The following ADGRD1 variants were observed in gnomAD, a reference collection of about 807,000 sequenced individuals.
ADGRD1 encodes the protein G-protein coupled receptor 133.
Under a neutral mutation model 113.4 loss-of-function variants are expected in ADGRD1, and 77 were observed. The observed-to-expected ratio is 0.68, with a 90% CI of 0.57 to 0.82. The LOEUF (loss-of-function observed/expected upper bound fraction) is 0.82. Among genes scored for constraint, ADGRD1 ranks in the 40% least tolerant of loss-of-function variants. The probability of loss-of-function intolerance (pLI) is 0.00; values close to 1 mark genes in which losing one functional copy is unlikely to be tolerated. For synonymous variants in ADGRD1, 474 were observed against 475.0 expected, an observed-to-expected ratio of 1.00 and a Z score of 0.03; for missense variants, 1,036 against 1,139.1, an observed-to-expected ratio of 0.91 and a Z score of 1.30.
At chr12:131,008,258 T>C (rs2136770456) in intron 12 of ADGRD1, among the ~76,000 whole-genome samples, 1 of 152,372 alleles carries the variant, frequency 6.6e-6, no homozygotes, top group Non-Finnish European at 1.5e-5. Flanking sequence ...CTGGGCACGA[T>C]GAGAAGCAGG....
chr12:131,133,031 A>G (rs1593273121), intron 21 of ADGRD1, among the ~76,000 whole-genome samples: 2 of 152,318 alleles, frequency 1.3e-5, no homozygotes, highest in Admixed American at 1.3e-4. Context: ...AGCTCCTGGA[A>G]ACCTTCAAGG....
chr12:131,086,751 G>T (rs1258500369), intron 15 of ADGRD1, among the ~76,000 whole-genome samples: 1 of 152,234 alleles, frequency 6.6e-6, no homozygotes, highest in East Asian at 1.9e-4. Flanking sequence ...GCGCGTATGA[G>T]CCTCACTCTG....
chr12:131,132,047 G>A (rs541442775), intron 21 of ADGRD1, among the ~76,000 whole-genome samples: 4 of 152,310 alleles, frequency 2.6e-5, no homozygotes, highest in Admixed American at 6.5e-5. Context: ...GTAGAAGAAC[G>A]GAGTCTACGG....
chr12:131,070,605 G>A (rs1025795314), intron 13 of ADGRD1: 14 of 285,958 alleles, frequency 4.9e-5, no homozygotes, highest in African/African-American at 2.9e-4. Context: ...CGGTGCGGGA[G>A]ACGAGTGGAG....
rs1463605455 is a variant in ADGRD1, at chr12:130,971,576, T to C, written c.306T>C (p.Pro102=). 7 of 1,605,084 alleles carry C rather than the reference T, an allele frequency of 4.4e-6. No homozygotes were observed. Among genetic ancestry groups the C allele is most frequent in the Non-Finnish European group, 5.1e-6 (6 of 1,175,830 alleles). The change falls in exon 4 of 25, where the codon CCT becomes CCC. Residue 102 remains proline (P), a synonymous_variant. Coordinates refer to ENST00000261654, the MANE Select transcript of ADGRD1 (RefSeq NM_198827.5). The surrounding 1 kb of genome is among the most constrained non-coding windows in gnomAD (Gnocchi z 4.2). ...SCISKPEQCG[P]EGVTFSFFWK... ...TCAGCAAGCCAGAGCAGTGTGGCCC[T>C]GAAGGTGAGTGGCTGATCCCTGCGG... is the stretch of plus-strand genomic sequence containing the variant.
Position 131,086,912 on chromosome 12 carries a change from A to C in ADGRD1, c.1671+2249A>C, listed in dbSNP as rs145552220. On this transcript the variant is annotated intron_variant, in intron 15 of 24. Coordinates refer to ENST00000261654, the MANE Select transcript of ADGRD1 (RefSeq NM_198827.5). ...TATTTTATTTTTATTAAATTAAATA[A>C]ATTAATTTTTAGAGACAGGGTCTCA... is the stretch of plus-strand genomic sequence containing the variant. Among the ~76,000 whole-genome samples, 6 of 152,286 alleles carry C rather than the reference A, an allele frequency of 3.9e-5. No homozygotes were observed. The East Asian group carries it at 1.2e-3, about 29-fold the overall frequency.
In ADGRD1 at chr12:131,022,324, C is replaced by T. The variant is rs777912779; in HGVS notation, c.1473+7984C>T. Reference sequence around the variant, plus strand: ...AAATATCTTGGTGGTGGGGAGATACCGTGAAACTACACAACCTTCCTTCAG... The same window carrying T: ...AAATATCTTGGTGGTGGGGAGATACTGTGAAACTACACAACCTTCCTTCAG... On this transcript the variant is annotated intron_variant, in intron 13 of 24. Coordinates refer to ENST00000261654, the MANE Select transcript of ADGRD1 (RefSeq NM_198827.5). The surrounding 1 kb of genome is among the most constrained non-coding windows in gnomAD (Gnocchi z 4.6). 2.6e-5 allele frequency among the ~76,000 whole-genome samples: 4 copies of T among 152,158 alleles called. No homozygotes were observed. Among genetic ancestry groups the T allele is most frequent in the South Asian group, 2.1e-4 (1 of 4,810 alleles).
At position 131,019,286 on chromosome 12, in the gene ADGRD1, A is replaced by G. The variant is rs553087744; in HGVS notation, c.1473+4946A>G. Reference sequence around the variant, plus strand: ...CAGCTCAGGCTATGCTGTTGGGCAGAGCGGGTCTCCAGGGTGCCTCACCCA... The same window carrying G: ...CAGCTCAGGCTATGCTGTTGGGCAGGGCGGGTCTCCAGGGTGCCTCACCCA... On this transcript the variant is annotated intron_variant, in intron 13 of 24. Transcript: ENST00000261654. Among the ~76,000 whole-genome samples the G allele has an allele frequency of 7.2e-5, 11 of 152,284 alleles. No homozygotes were observed. In the East Asian group the frequency reaches 1.9e-3, roughly 27 times the overall value.
intron 18 of ADGRD1, among the ~76,000 whole-genome samples, chr12:131,114,670 C>T (rs1950421954): frequency 6.6e-6 from 1 of 151,926 alleles, no homozygotes; most frequent in Non-Finnish European, 1.5e-5. Flanking sequence ...CTTCTTCCTG[C>T]AGATTTCATC....
rs1221595460 is a variant in ADGRD1, at chr12:130,954,847, G to C, written c.103+187G>C. ...AGCTCTGCTACCCCTCACCGGCTGA[G>C]CGGTGGATGGAGAAGTGGTTCTGGG... On this transcript the variant is annotated intron_variant, in intron 2 of 24. Coordinates refer to ENST00000261654, the MANE Select transcript of ADGRD1 (RefSeq NM_198827.5). This position sits in a 1 kb window ranked among gnomAD's most constrained non-coding sequence, Gnocchi z 4.7. 6.6e-6 allele frequency among the ~76,000 whole-genome samples: 1 copy of C among 152,240 alleles called. No homozygotes were observed. Among genetic ancestry groups the C allele is most frequent in the Non-Finnish European group, 1.5e-5 (1 of 68,050 alleles).
At chr12:130,976,334 G>A (rs926230380) in intron 4 of ADGRD1, among the ~76,000 whole-genome samples, 1 of 152,058 alleles carries the variant, frequency 6.6e-6, no homozygotes, top group African/African-American at 2.4e-5. Flanking sequence ...GGAAACTGAG[G>A]CCCAGAGAGG....
At chr12:131,026,242 T>A (rs761526395) in intron 13 of ADGRD1, 3 of 152,246 alleles carry the variant, frequency 2.0e-5, no homozygotes, top group Non-Finnish European at 2.9e-5. Flanking sequence ...GCTTCCAGCC[T>A]TTCCCGGTGC....
intron 18 of ADGRD1, among the ~76,000 whole-genome samples, chr12:131,109,668 A>G (rs189299223): frequency 9.3e-4 from 142 of 152,302 alleles, no homozygotes; most frequent in African/African-American, 3.3e-3. Context: ...TCTATCCTGG[A>G]AAGTGTTCCA....
At chr12:130,982,292 G>A (rs914577362) in intron 5 of ADGRD1, among the ~76,000 whole-genome samples, 1 of 152,160 alleles carries the variant, frequency 6.6e-6, no homozygotes, top group Non-Finnish European at 1.5e-5. Flanking sequence ...CCGTCTGCCC[G>A]TGCACTGTGT....
chr12:130,962,602 A>T (rs1870488779), intron 2 of ADGRD1: 1 of 152,128 alleles, frequency 6.6e-6, no homozygotes, highest in Non-Finnish European at 1.5e-5. Flanking sequence ...AATCTTTTTG[A>T]TTTTTGCATT....
intron 15 of ADGRD1, among the ~76,000 whole-genome samples, chr12:131,104,078 A>G (rs1020708031): frequency 6.6e-6 from 1 of 152,162 alleles, no homozygotes; most frequent in Non-Finnish European, 1.5e-5. Context: ...CTTAATCCCC[A>G]GGTGTGTTCT....
intron 13 of ADGRD1, among the ~76,000 whole-genome samples, chr12:131,052,389 G>C (rs1292644579): frequency 6.6e-6 from 1 of 152,192 alleles, no homozygotes; most frequent in African/African-American, 2.4e-5. Flanking sequence ...CTTCTCACCT[G>C]TTCCCGAACT....
chr12:130,982,371 A>C (rs796568652), intron 5 of ADGRD1, among the ~76,000 whole-genome samples: 12 of 152,240 alleles, frequency 7.9e-5, no homozygotes, highest in African/African-American at 2.9e-4. Flanking sequence ...TGATATTGAC[A>C]GTACTTACCT....
Position 131,088,868 on chromosome 12 carries a change from T to C in ADGRD1, c.1671+4205T>C, listed in dbSNP as rs544430855. 3.3e-5 allele frequency among the ~76,000 whole-genome samples: 5 copies of C among 152,340 alleles called. No individual in the cohort carries two copies. In the East Asian group the frequency reaches 9.7e-4, roughly 29 times the overall value. On this transcript the variant is annotated intron_variant, in intron 15 of 24. Coordinates refer to ENST00000261654, the MANE Select transcript of ADGRD1 (RefSeq NM_198827.5). The stretch of plus-strand genomic sequence containing the variant: ...TAGAGGTGTCGTCAGTTATTACTTC[T>C]GAGCCATATGTGAGAGGTCATCTGT...
Sources: gnomAD v4.1 joint callset for allele counts (sites outside exome capture counted in the v4.1 genomes callset) on GRCh38, gnomAD v4.1.1 for gene constraint, Gnocchi (gnomAD v3.1) non-coding constraint, MANE v1.5 for transcripts, NCBI Gene and HGNC (gene_info 2026-07-23, HGNC 2026-07-21) for gene names.